Variants in STPG2 observed in about 807,000 individuals in gnomAD.
STPG2 encodes sperm-tail PG-rich repeat-containing protein 2.
STPG2 carries 56 observed loss-of-function variants against 54.2 expected under a neutral mutation model. The observed-to-expected ratio is 1.03, with a 90% CI of 0.83 to 1.29. STPG2 has a LOEUF of 1.29. STPG2 is among the 50% of genes most tolerant of loss of function. The probability of loss-of-function intolerance (pLI) is 0.00; values close to 1 mark genes in which losing one functional copy is unlikely to be tolerated. For synonymous variants in STPG2, 200 were observed against 181.8 expected (o/e 1.10, Z -0.81); for missense variants, 596 against 544.9 (o/e 1.09, Z -0.93).
At chr4:98,100,599 A>G (rs1316832375) in intron 5 of STPG2, among the ~76,000 whole-genome samples, 1 of 151,748 alleles carries the variant, frequency 6.6e-6, no homozygotes, top group African/African-American at 2.4e-5. Context: ...AATGGAGTGA[A>G]GCTATTAGGC....
chr4:97,608,550 G>GCCTAAAA (rs1447172969), intron 10 of STPG2, among the ~76,000 whole-genome samples: 1 of 151,972 alleles, frequency 6.6e-6, no homozygotes, highest in Non-Finnish European at 1.5e-5. Context: ...ATTTTAAAGT[G>GCCTAAAA]CCTAAAATGT....
chr4:97,458,057 G>A (rs1331432087), intron 4 of STPG2, among the ~76,000 whole-genome samples: 2 of 152,178 alleles, frequency 1.3e-5, no homozygotes, highest in Non-Finnish European at 2.9e-5. Flanking sequence ...AGTGGGAGAA[G>A]TAAAAAGACT....
chr4:97,749,924 G>A (rs1725532664), intron 9 of STPG2, among the ~76,000 whole-genome samples: 1 of 151,706 alleles, frequency 6.6e-6, no homozygotes, highest in South Asian at 2.1e-4. Flanking sequence ...CTTGGTTGAG[G>A]ACAGTTCCCG....
At chr4:97,642,107 A>G (rs1366989674) in intron 10 of STPG2, among the ~76,000 whole-genome samples, 1 of 151,474 alleles carries the variant, frequency 6.6e-6, no homozygotes, top group Non-Finnish European at 1.5e-5. Flanking sequence ...GACTTTTACT[A>G]TGCAACATAA....
At chr4:97,975,911 C>T (rs813038) in intron 6 of STPG2, among the ~76,000 whole-genome samples, 127,450 of 152,118 alleles carry the variant, frequency 0.84, 53,560 homozygotes, top group Middle Eastern at 0.94. Context: ...GAGGGTTGTG[C>T]TGATTTATGT....
intron 5 of STPG2, chr4:98,025,997 C>A: frequency 9.5e-7 from 1 of 1,055,022 alleles, no homozygotes; most frequent in Non-Finnish European, 1.4e-6. Flanking sequence ...CAGAATGTTG[C>A]AGAATGTTGC....
chr4:98,059,886 A>C (rs2110097730), intron 5 of STPG2, among the ~76,000 whole-genome samples: 1 of 152,306 alleles, frequency 6.6e-6, no homozygotes, highest in African/African-American at 2.4e-5. Flanking sequence ...AAAACTCTCA[A>C]TAAACTAGAT....
chr4:97,928,263 G>C (rs1732409438), intron 8 of STPG2, among the ~76,000 whole-genome samples: 1 of 152,120 alleles, frequency 6.6e-6, no homozygotes, highest in South Asian at 2.1e-4. Flanking sequence ...GTTAGCTTTA[G>C]AACTTTACTT....
intron 10 of STPG2, 135 bp downstream of exon 10, chr4:97,712,564 C>T: frequency 1.9e-6 from 1 of 522,834 alleles, no homozygotes; most frequent in African/African-American, 2.0e-5. Flanking sequence ...TCAAAAATCT[C>T]CTTAGTCAAA....
downstream of STPG2, among the ~76,000 whole-genome samples, chr4:97,555,820 G>C (rs1042239836): frequency 6.6e-6 from 1 of 152,028 alleles, no homozygotes; most frequent in Non-Finnish European, 1.5e-5. Context: ...AAATACAATA[G>C]AAATCTCATC....
intron 10 of STPG2, among the ~76,000 whole-genome samples, chr4:97,661,156 G>C (rs1508462): frequency 0.6 from 91,443 of 151,966 alleles, 27,823 homozygotes; most frequent in South Asian, 0.71. Context: ...TAATGATTCC[G>C]TGGGTAATAT....
intron 9 of STPG2, among the ~76,000 whole-genome samples, chr4:97,742,545 G>GTATATATATA (rs1725283939): frequency 7.0e-6 from 1 of 142,956 alleles, no homozygotes; most frequent in African/African-American, 2.6e-5. Flanking sequence ...GTGTGTGTGT[G>GTATATATATA]TGTGTGTGTG....
chr4:97,604,339 CA>C lies in STPG2; in HGVS notation c.1321-45223del, dbSNP rs766708755. ...TAATAATTGGCATTTAAAAAAGAAGCATATGTCTAAACAGACAATTGAAGAG... is the reference window on the plus strand; with the variant it reads ...TAATAATTGGCATTTAAAAAAGAAGCTATGTCTAAACAGACAATTGAAGAG... On this transcript the variant is annotated intron_variant, in intron 10 of 10. Transcript: ENST00000295268. Among the ~76,000 whole-genome samples, 57 of 151,740 alleles carry C rather than the reference CA, an allele frequency of 3.8e-4. No individual in the cohort carries two copies. The Middle Eastern group carries it at 0.02, about 54-fold the overall frequency.
chr4:97,533,064 G>A (rs915108285), intron 4 of STPG2, among the ~76,000 whole-genome samples: 4 of 151,888 alleles, frequency 2.6e-5, no homozygotes, highest in African/African-American at 9.7e-5. Context: ...TTTATTTTTG[G>A]TAGAGATGGG....
intron 5 of STPG2, among the ~76,000 whole-genome samples, chr4:98,037,387 T>A (rs1374325719): frequency 6.6e-6 from 1 of 152,082 alleles, no homozygotes; most frequent in African/African-American, 2.4e-5. Context: ...TCTTAATGTA[T>A]ATACAAAATT....
At chr4:97,878,321 C>T (rs562718518) in intron 8 of STPG2, among the ~76,000 whole-genome samples, 47 of 152,290 alleles carry the variant, frequency 3.1e-4, no homozygotes, top group Non-Finnish European at 5.4e-4. Flanking sequence ...GAACTGTGTG[C>T]GGGGACTCAC....
chr4:97,895,700 G>T (rs1730929796), intron 8 of STPG2, among the ~76,000 whole-genome samples: 1 of 151,758 alleles, frequency 6.6e-6, no homozygotes, highest in Non-Finnish European at 1.5e-5. Context: ...CTATCAGTGA[G>T]ATTTCTTCTG....
intron 3 of STPG2, among the ~76,000 whole-genome samples, chr4:98,126,714 C>G (rs1739842588): frequency 6.6e-6 from 1 of 152,108 alleles, no homozygotes; most frequent in Non-Finnish European, 1.5e-5. Context: ...TGTTTAATGT[C>G]TTGTTATTAG....
Position 97,566,241 on chromosome 4 carries a change from T to A in STPG2, c.1321-7124A>T, listed in dbSNP as rs548191096. 4.1e-3 allele frequency among the ~76,000 whole-genome samples: 631 copies of A among 152,306 alleles called. 3 individuals are homozygous for A. Among genetic ancestry groups the A allele is most frequent in the South Asian group, 0.02 (98 of 4,830 alleles). On this transcript the variant is annotated intron_variant, in intron 10 of 10. Coordinates refer to ENST00000295268, the MANE Select transcript of STPG2 (RefSeq NM_174952.3). The stretch of plus-strand genomic sequence containing the variant: ...CCATGGGCATAGGACCCTCCGAGCC[T>A]GGTGCGGGATATAATCTCCTGGTGC...
Sources: gnomAD v4.1 joint callset for allele counts (sites outside exome capture counted in the v4.1 genomes callset) on GRCh38, gnomAD v4.1.1 for gene constraint, MANE v1.5 for transcripts, NCBI Gene and HGNC (gene_info 2026-07-23, HGNC 2026-07-21) for gene names.